SLC12A2: variants seen among roughly 807,000 people sequenced by gnomAD.
SLC12A2 encodes Na-K-2Cl cotransporter 1.
A neutral mutation model predicts 136.3 loss-of-function variants in SLC12A2; 67 were observed. The ratio of observed to expected loss-of-function variants is 0.49; its 90% CI spans 0.40 to 0.60. SLC12A2 has a LOEUF of 0.60. Among genes scored for constraint, SLC12A2 ranks in the 20% least tolerant of loss-of-function variants. SLC12A2 has a pLI of 0.00. For synonymous variants in SLC12A2, 619 were observed against 562.9 expected, an observed-to-expected ratio of 1.10 and a Z score of -1.41; for missense variants, 1,322 against 1,534.7, an observed-to-expected ratio of 0.86 and a Z score of 2.32.
chr5:128,179,500 T>A (rs1299873408), intron 22 of SLC12A2, among the ~76,000 whole-genome samples: 1 of 152,182 alleles, frequency 6.6e-6, no homozygotes, highest in Non-Finnish European at 1.5e-5. Flanking sequence ...AAAAGAGGTT[T>A]AATCTGCTGA....
chr5:128,084,835 C>G lies in SLC12A2; in HGVS notation c.756+125C>G. 9.5e-7 allele frequency: 1 copy of G among 1,056,994 alleles called. No homozygotes were observed. The highest frequency in any genetic ancestry group is 1.3e-6 in the Non-Finnish European group (1 of 753,624). The allele number at this position is 1,056,994 out of a possible 1,614,324, so 65.5% of individuals were successfully genotyped here. ...AGACGTGCACGACTTGCTGGCATCT[C>G]TGGATTCAGCTGTCAAGGGTGGAAT... On this transcript the variant is annotated intron_variant, in intron 1 of 26. Transcript: ENST00000262461. The surrounding 1 kb of genome is among the most constrained non-coding windows in gnomAD (Gnocchi z 5.6).
chr5:128,106,761 A>G (rs78022469), intron 1 of SLC12A2, among the ~76,000 whole-genome samples: 8,203 of 152,170 alleles, frequency 0.054, 300 homozygotes, highest in Middle Eastern at 0.082. Flanking sequence ...TAGTTCTTCT[A>G]TTTTGAGGTG....
At chr5:128,144,983 A>G (rs1436375615) in intron 10 of SLC12A2, among the ~76,000 whole-genome samples, 1 of 151,900 alleles carries the variant, frequency 6.6e-6, no homozygotes, top group African/African-American at 2.4e-5. Flanking sequence ...TATATTGTTG[A>G]CACTAATATC....
At chr5:128,091,939 G>A (rs1263352543) in intron 1 of SLC12A2, among the ~76,000 whole-genome samples, 1 of 152,126 alleles carries the variant, frequency 6.6e-6, no homozygotes, top group Non-Finnish European at 1.5e-5. Context: ...TTCTTTGTTG[G>A]GTAAGTGTGA....
chr5:128,086,050 G>C (rs1760089602), intron 1 of SLC12A2, among the ~76,000 whole-genome samples: 1 of 152,076 alleles, frequency 6.6e-6, no homozygotes, highest in Non-Finnish European at 1.5e-5. Flanking sequence ...AAGTAGATAT[G>C]GAGCTGGCAA....
chr5:128,145,677 T>A (rs1172411450), intron 10 of SLC12A2, among the ~76,000 whole-genome samples: 1 of 152,078 alleles, frequency 6.6e-6, no homozygotes, highest in Admixed American at 6.6e-5. Flanking sequence ...ATGGAAGATC[T>A]AGGGAAAGAT....
rs764368251 is a variant in SLC12A2, at chr5:128,134,211, T to C, written c.1235T>C (p.Ile412Thr). 3.1e-6 allele frequency: 5 copies of C among 1,607,716 alleles called. No homozygotes were observed. The highest frequency in any genetic ancestry group is 1.3e-5 in the African/African-American group (1 of 74,812). The change falls in exon 6 of 27, where the codon ATT (isoleucine) becomes ACT (threonine). Residue 412 changes from isoleucine to threonine, a missense_variant. This residue lies in a region of SLC12A2 where 110 missense variants were observed against 114.5 expected (regional missense o/e 0.96). Transcript: ENST00000262461. Reference sequence around the variant, plus strand: ...GATGAAATCAATGATATCCGAATTATTGGAGCCATTACAGTCGTGATTCTT... The same window carrying C: ...GATGAAATCAATGATATCCGAATTACTGGAGCCATTACAGTCGTGATTCTT... ...MIDEINDIRI[I>T]GAITVVILLG...
intron 4 of SLC12A2, among the ~76,000 whole-genome samples, chr5:128,129,242 A>G (rs149910238): frequency 1.3e-5 from 2 of 152,196 alleles, no homozygotes; most frequent in Admixed American, 6.5e-5. Flanking sequence ...TTGGGAGTAG[A>G]TGAAATAATT....
chr5:128,102,891 T>C (rs547602554), intron 1 of SLC12A2, among the ~76,000 whole-genome samples: 1 of 152,044 alleles, frequency 6.6e-6, no homozygotes, highest in South Asian at 2.1e-4. Context: ...CAAAGTGCTG[T>C]GATTACAGGC....
chr5:128,168,082 A>G, intron 18 of SLC12A2: 2 of 387,746 alleles, frequency 5.2e-6, no homozygotes, highest in Non-Finnish European at 9.0e-6. Flanking sequence ...GCATATATAT[A>G]TATATACACA....
At chr5:128,181,940 C>G (rs1763720090) in intron 23 of SLC12A2, among the ~76,000 whole-genome samples, 3 of 141,056 alleles carry the variant, frequency 2.1e-5, no homozygotes, top group Non-Finnish European at 4.6e-5. Context: ...CCCCCACTTA[C>G]CCCCCCATCT....
intron 1 of SLC12A2, among the ~76,000 whole-genome samples, chr5:128,089,970 G>T (rs570559159): frequency 6.6e-6 from 1 of 152,262 alleles, no homozygotes; most frequent in South Asian, 2.1e-4. Context: ...TCCAGAACTG[G>T]GTAAAGGTGG....
chr5:128,161,188 C>A (rs188735100), intron 16 of SLC12A2, among the ~76,000 whole-genome samples: 35 of 152,130 alleles, frequency 2.3e-4, no homozygotes, highest in African/African-American at 8.0e-4. Context: ...GTTATTTCAT[C>A]CTTTAACAGA....
rs762468835 is a variant in SLC12A2 at position 128,138,575 on chromosome 5, A to G, written c.1409-22A>G. The G allele has an allele frequency of 3.1e-6, 5 of 1,598,250 alleles. 1 individual carries two copies. In the South Asian group the frequency reaches 5.7e-5, roughly 18 times the overall value. On this transcript the variant is annotated intron_variant, in intron 7 of 26. Coordinates refer to ENST00000262461, the MANE Select transcript of SLC12A2 (RefSeq NM_001046.3). The stretch of plus-strand genomic sequence containing the variant: ...TCTAATTTGCTCTCCATTAATTGTC[A>G]AGAATATTTTGTTCTCTGCAGCTGA...
intron 14 of SLC12A2, 27 bp downstream of exon 14, chr5:128,151,423 CAAGCTAGAAAACATCTAG>C (rs780618948): frequency 4.8e-5 from 76 of 1,588,276 alleles, no homozygotes; most frequent in South Asian, 3.0e-4. Context: ...GTTTATATCC[CAAGCTAGAAAACATCTAG>C]AAGCTAGAAA....
At chr5:128,160,246 G>C (rs1388471650) in intron 16 of SLC12A2, among the ~76,000 whole-genome samples, 1 of 152,044 alleles carries the variant, frequency 6.6e-6, no homozygotes, top group African/African-American at 2.4e-5. Context: ...TGGGAGGTGG[G>C]GGGGCTCGGG....
intron 17 of SLC12A2, among the ~76,000 whole-genome samples, chr5:128,167,432 CACT>C (rs1763237317): frequency 1.3e-5 from 2 of 151,906 alleles, no homozygotes; most frequent in African/African-American, 4.8e-5. Context: ...ATGAGAATGC[CACT>C]GTATTATAAT....
At chr5:128,119,347 AT>A (rs1431440077) in intron 4 of SLC12A2, among the ~76,000 whole-genome samples, 1 of 152,172 alleles carries the variant, frequency 6.6e-6, no homozygotes, top group African/African-American at 2.4e-5. Flanking sequence ...CATTATGTTT[AT>A]TGTTTAGTAA....
At chr5:128,140,345 T>C (rs1431525915) in intron 9 of SLC12A2, among the ~76,000 whole-genome samples, 4 of 152,126 alleles carry the variant, frequency 2.6e-5, no homozygotes, top group African/African-American at 4.8e-5. Flanking sequence ...ATCCTTAGAA[T>C]TCACACACAA....
Sources: gnomAD v4.1 joint callset for allele counts (sites outside exome capture counted in the v4.1 genomes callset) on GRCh38, gnomAD v4.1.1 for gene constraint, gnomAD v4.1.1 regional missense constraint, Gnocchi (gnomAD v3.1) non-coding constraint, MANE v1.5 for transcripts, NCBI Gene and HGNC (gene_info 2026-07-23, HGNC 2026-07-21) for gene names.